Variants in LARP7 observed in about 807,000 individuals in gnomAD.
LARP7 encodes la-related protein 7.
In LARP7, 52 loss-of-function variants were observed where a neutral mutation model predicts 69.3. That is an observed-to-expected ratio of 0.75 (90% CI 0.60 to 0.95). The LOEUF (loss-of-function observed/expected upper bound fraction) is 0.95, where lower values mean the gene tolerates loss of function less well. LARP7 is among the 40% of genes least tolerant of loss of function. The pLI is 0.00. For missense variants in LARP7, 733 were observed against 673.0 expected, an observed-to-expected ratio of 1.09 and a Z score of -0.99; for synonymous variants, 254 against 215.9, an observed-to-expected ratio of 1.18 and a Z score of -1.55.
intron 12 of LARP7, 183 bp downstream of exon 12, chr4:112,654,342 A>G (rs909070514): frequency 8.2e-6 from 4 of 486,628 alleles, no homozygotes; most frequent in Non-Finnish European, 1.5e-5. Flanking sequence ...AATGTATGAA[A>G]TTGAATTATT....
intron 9 of LARP7, chr4:112,650,149 CTTTT>C (rs562335739): frequency 1.4e-5 from 3 of 213,188 alleles, no homozygotes; most frequent in African/African-American, 6.9e-5. Flanking sequence ...TATCCTTTAA[CTTTT>C]TTTTAACTTT....
intron 1 of LARP7, among the ~76,000 whole-genome samples, chr4:112,639,273 G>A (rs2047857413): frequency 6.7e-6 from 1 of 148,188 alleles, no homozygotes; most frequent in Non-Finnish European, 1.5e-5. Flanking sequence ...GCAGTGGCAC[G>A]ATCTCGGCTC....
intron 1 of LARP7, chr4:112,637,659 C>T (rs576510378): frequency 6.6e-6 from 1 of 152,330 alleles, no homozygotes; most frequent in East Asian, 1.9e-4. Context: ...TGCCATCGTC[C>T]TCAAAGAGTA....
intron 12 of LARP7, chr4:112,655,555 A>G (rs982227784): frequency 6.6e-6 from 1 of 152,202 alleles, no homozygotes; most frequent in African/African-American, 2.4e-5. Flanking sequence ...GTAGACCATA[A>G]TTAGTTTAGC....
intron 1 of LARP7, chr4:112,644,242 AAG>A (rs1398142953): frequency 9.1e-6 from 2 of 219,028 alleles, no homozygotes; most frequent in Non-Finnish European, 1.7e-5. Flanking sequence ...AACTGTCTCC[AAG>A]AAAAAAAAAA....
Position 112,646,469 on chromosome 4 carries a change from CTACTG to C in LARP7, c.303+20_303+24del. 1 of 1,434,646 alleles carries C rather than the reference CTACTG, an allele frequency of 7.0e-7. No homozygotes were observed. The highest frequency in any genetic ancestry group is 9.7e-7 in the Non-Finnish European group (1 of 1,029,986). 88.9% of individuals were successfully genotyped at this position (1,434,646 alleles called of 1,614,324 possible). A position where few individuals can be genotyped will look rare whatever the true frequency, so the allele number is the denominator to read the frequency against. ...TTGTAGAGGTAAGAATCAAGAATAA[CTACTG>C]TTTATATTTATAGTTTATAATTATA... is the stretch of plus-strand genomic sequence containing the variant. On this transcript the variant is annotated intron_variant, in intron 3 of 12. Transcript: ENST00000344442.
At chr4:112,641,364 G>A (rs1281488728) in intron 1 of LARP7, among the ~76,000 whole-genome samples, 7 of 152,070 alleles carry the variant, frequency 4.6e-5, no homozygotes, top group Admixed American at 4.6e-4. Flanking sequence ...CTCCAGCCTG[G>A]GTGACAGAGT....
Position 112,644,724 on chromosome 4 carries a change from A to C in LARP7, c.55A>C (p.Lys19Gln), listed in dbSNP as rs2048096991. The change falls in exon 2 of 13, where the codon AAG (lysine) becomes CAG (glutamine). Residue 19 changes from lysine to glutamine, a missense_variant. Physicochemically the swap from Lys to Gln is moderately conservative, Grantham distance 53. Transcript: ENST00000344442. ...EKVMEEESTE[K>Q]KKEVEKKKRS... is the part of the protein sequence containing the mutation. ...GGTAATGGAAGAAGAAAGCACTGAA[A>C]AGAAAAAAGAAGTTGAAAAAAAGAA... The C allele has an allele frequency of 1.2e-6, 2 of 1,611,260 alleles. No homozygotes were observed. Among genetic ancestry groups the C allele is most frequent in the East Asian group, 4.5e-5 (2 of 44,740 alleles).
chr4:112,637,315 C>T (rs991373074), intron 1 of LARP7, 76 bp downstream of exon 1: 3 of 152,412 alleles, frequency 2.0e-5, no homozygotes, highest in African/African-American at 7.2e-5. Flanking sequence ...TTCTTGCGGT[C>T]CACTCTATCA....
intron 9 of LARP7, among the ~76,000 whole-genome samples, chr4:112,650,246 A>G (rs970007884): frequency 1.3e-5 from 2 of 152,158 alleles, no homozygotes; most frequent in Admixed American, 6.6e-5. Flanking sequence ...AGCAGTAACA[A>G]TTTGCATGTA....
intron 5 of LARP7, 24 bp from the exon 6 acceptor site, chr4:112,647,010 T>TCATTTC: frequency 6.3e-7 from 1 of 1,584,242 alleles, no homozygotes; most frequent in Non-Finnish European, 8.5e-7. Context: ...AGTATTAAAA[T>TCATTTC]AGTAACTTTT....
At position 112,647,167 on chromosome 4, in the gene LARP7, A is replaced by C. The variant is rs772020987; in HGVS notation, c.647-32A>C. 22 of 1,593,922 alleles carry C rather than the reference A, an allele frequency of 1.4e-5. No homozygotes were observed. The South Asian group carries it at 2.6e-4, about 18-fold the overall frequency. ...ATATTTAAATAGGTGTAGTTGAAGT[A>C]AGATGAACTAATAATGATGGCACTT... On this transcript the variant is annotated intron_variant, in intron 6 of 12. Coordinates refer to ENST00000344442, the MANE Select transcript of LARP7 (RefSeq NM_016648.4).
intron 1 of LARP7, among the ~76,000 whole-genome samples, chr4:112,638,361 A>G (rs938806480): frequency 6.6e-6 from 1 of 152,168 alleles, no homozygotes; most frequent in African/African-American, 2.4e-5. Flanking sequence ...TAGCAAACAC[A>G]CACAAATGAC....
At chr4:112,644,602 A>G in intron 1 of LARP7, 66 bp from the exon 2 acceptor site, 2 of 1,266,650 alleles carry the variant, frequency 1.6e-6, no homozygotes, top group Non-Finnish European at 2.2e-6. Flanking sequence ...AGGCTAATCT[A>G]AATATTTAAC....
At chr4:112,648,920 C>A (rs1298358042) in intron 8 of LARP7, among the ~76,000 whole-genome samples, 1 of 146,260 alleles carries the variant, frequency 6.8e-6, no homozygotes, top group Non-Finnish European at 1.5e-5. Flanking sequence ...AGATATCTTC[C>A]TCTTAAAAAA....
chr4:112,653,366 GT>G, intron 11 of LARP7, 130 bp downstream of exon 11: 1 of 621,538 alleles, frequency 1.6e-6, no homozygotes, highest in Non-Finnish European at 2.5e-6. Context: ...CTGGAGTACA[GT>G]GGTGTGATCT....
At chr4:112,645,702 A>C in intron 2 of LARP7, 2 of 431,086 alleles carry the variant, frequency 4.6e-6, no homozygotes, top group South Asian at 3.2e-5. Context: ...TGGCATTTTT[A>C]AGAGATATGG....
At chr4:112,646,311 T>C (rs2048232654) in intron 2 of LARP7, 40 bp from the exon 3 acceptor site, 1 of 1,022,702 alleles carries the variant, frequency 9.8e-7, no homozygotes. Context: ...GAATTAATCC[T>C]GCTGATACAC....
chr4:112,642,792 G>T (rs989144195), intron 1 of LARP7, among the ~76,000 whole-genome samples: 1 of 152,190 alleles, frequency 6.6e-6, no homozygotes, highest in South Asian at 2.1e-4. Context: ...ACTTTGACAC[G>T]TGAAAGCTTT....
Sources: gnomAD v4.1 joint callset for allele counts (sites outside exome capture counted in the v4.1 genomes callset) on GRCh38, gnomAD v4.1.1 for gene constraint, MANE v1.5 for transcripts, NCBI Gene and HGNC (gene_info 2026-07-23, HGNC 2026-07-21) for gene names.